CELF4: variants seen among roughly 807,000 people sequenced by gnomAD.
CELF4 encodes CUGBP Elav-like family member 4.
Under a neutral mutation model 59.9 loss-of-function variants are expected in CELF4, and 18 were observed. The ratio of observed to expected loss-of-function variants is 0.30; its 90% CI spans 0.21 to 0.45. The LOEUF (loss-of-function observed/expected upper bound fraction) is 0.45, where lower values mean the gene tolerates loss of function less well. Ranked by LOEUF, CELF4 falls within the 20% of genes least tolerant of loss-of-function variation. The pLI, the probability that CELF4 is intolerant of heterozygous loss-of-function variation, is 1.00. For missense variants in CELF4, 456 were observed against 689.0 expected, an observed-to-expected ratio of 0.66 and a Z score of 3.79; for synonymous variants, 261 against 267.1, an observed-to-expected ratio of 0.98 and a Z score of 0.22.
At chr18:37,271,023 G>A (rs528960705) in intron 7 of CELF4, 106 bp from the exon 8 acceptor site, 27 of 955,548 alleles carry the variant, frequency 2.8e-5, no homozygotes, top group African/African-American at 1.8e-4. Flanking sequence ...AAGGACCTGC[G>A]GATAGACTTG....
rs867841498 is a variant in CELF4, at chr18:37,253,900, C to T, written c.1372G>A (p.Ala458Thr). 6.2e-7 allele frequency: 1 copy of T among 1,607,336 alleles called. No individual in the cohort carries two copies. Among genetic ancestry groups the T allele is most frequent in the East Asian group, 2.3e-5 (1 of 44,372 alleles). Residue 458 changes from alanine (A) to threonine (T), a missense_variant, in exon 12 of 13, where the codon GCC becomes ACC. Ala to Thr is a moderately conservative substitution (Grantham distance 58). Around this residue, in one of 7 missense-constraint regions of CELF4, gnomAD observed 256 missense variants for 340.8 expected, o/e 0.75. Coordinates refer to ENST00000420428, the MANE Select transcript of CELF4 (RefSeq NM_020180.4). This position sits in a 1 kb window ranked among gnomAD's most constrained non-coding sequence, Gnocchi z 4.5. The part of the protein sequence containing the change: ...SFDNPASAQT[A>T]IQAMNGFQIG... Reference sequence around the variant, plus strand: ...TGGAAGCCGTTCATGGCCTGGATGGCGGTCTGCGCGCTGGCCGGGTTGTCG... The same window carrying T: ...TGGAAGCCGTTCATGGCCTGGATGGTGGTCTGCGCGCTGGCCGGGTTGTCG...
chr18:37,419,580 G>C (rs1377020811), intron 2 of CELF4, among the ~76,000 whole-genome samples: 3 of 152,172 alleles, frequency 2.0e-5, no homozygotes, highest in African/African-American at 7.2e-5. Flanking sequence ...GGTGTGGTCA[G>C]GGGGAAGGGA....
intron 2 of CELF4, among the ~76,000 whole-genome samples, chr18:37,326,483 C>T (rs987967253): frequency 6.6e-6 from 1 of 152,132 alleles, no homozygotes; most frequent in East Asian, 1.9e-4. Flanking sequence ...GTGCAGGAGC[C>T]TTCCTTGCTG....
At chr18:37,548,544 G>T (rs1017774959) in intron 1 of CELF4, among the ~76,000 whole-genome samples, 1 of 152,142 alleles carries the variant, frequency 6.6e-6, no homozygotes, top group South Asian at 2.1e-4. Context: ...CCTTTGTGCC[G>T]CCCCTTATGT....
chr18:37,404,520 C>A (rs2099361725), intron 2 of CELF4, among the ~76,000 whole-genome samples: 1 of 152,218 alleles, frequency 6.6e-6, no homozygotes, highest in Admixed American at 6.5e-5. Context: ...GGCAAGTGCA[C>A]AGTTGGATGC....
chr18:37,396,930 T>G (rs1475010521), intron 2 of CELF4, among the ~76,000 whole-genome samples: 1 of 152,134 alleles, frequency 6.6e-6, no homozygotes, highest in African/African-American at 2.4e-5. Context: ...TTTTCTTAAT[T>G]AAAGGAGCAA....
chr18:37,324,586 C>T (rs58621520), intron 2 of CELF4, among the ~76,000 whole-genome samples: 2,119 of 152,280 alleles, frequency 0.014, 53 homozygotes, highest in African/African-American at 0.049. Flanking sequence ...CTCTAGCCAA[C>T]GAATAAGCCC....
At chr18:37,388,615 T>A (rs1333465845) in intron 2 of CELF4, among the ~76,000 whole-genome samples, 1 of 152,080 alleles carries the variant, frequency 6.6e-6, no homozygotes, top group Non-Finnish European at 1.5e-5. Flanking sequence ...CAAACACCCT[T>A]CTAGGTCTGC....
intron 9 of CELF4, among the ~76,000 whole-genome samples, chr18:37,265,697 T>G (rs991471290): frequency 2.0e-5 from 3 of 152,048 alleles, no homozygotes; most frequent in African/African-American, 7.2e-5. Flanking sequence ...GAGCCTGAAG[T>G]CAGAGCTCAG....
chr18:37,432,545 T>C (rs116810550), intron 2 of CELF4, among the ~76,000 whole-genome samples: 2,911 of 152,132 alleles, frequency 0.019, 98 homozygotes, highest in African/African-American at 0.066. Flanking sequence ...GGCAGAGAGA[T>C]TGGGGAGAGC....
intron 2 of CELF4, among the ~76,000 whole-genome samples, chr18:37,398,885 A>G (rs1603636021): frequency 6.6e-6 from 1 of 152,120 alleles, no homozygotes; most frequent in Non-Finnish European, 1.5e-5. Context: ...CGAGTGGCTG[A>G]GAGGATTTAC....
chr18:37,499,086 T>C (rs1415700601), intron 1 of CELF4, among the ~76,000 whole-genome samples: 3 of 152,222 alleles, frequency 2.0e-5, no homozygotes, highest in African/African-American at 7.2e-5. Flanking sequence ...TCTTTGGTTA[T>C]AACCACACTC....
At chr18:37,397,266 A>G (rs502131) in intron 2 of CELF4, among the ~76,000 whole-genome samples, 133,870 of 152,254 alleles carry the variant, frequency 0.88, 59,155 homozygotes, top group African/African-American at 0.97. Flanking sequence ...ATTTAAAGAG[A>G]TGCTTTCATG....
Position 37,274,364 on chromosome 18 carries a change from T to G in CELF4, c.748A>C (p.Met250Leu). 6 of 1,613,560 alleles carry G rather than the reference T, an allele frequency of 3.7e-6. No homozygotes were observed. The highest frequency in any genetic ancestry group is 5.1e-6 in the Non-Finnish European group (6 of 1,179,952). Reference sequence around the variant, plus strand: ...AAAGGGATGGCCATGGGGTTGAACATGCCCATCTGGCCAGCCATCTGCTGC... The same window carrying G: ...AAAGGGATGGCCATGGGGTTGAACAGGCCCATCTGGCCAGCCATCTGCTGC... The part of the protein sequence containing the change: ...RMQQMAGQMG[M>L]FNPMAIPFGA... The change falls in exon 6 of 13, where the codon ATG becomes CTG. Residue 250 changes from methionine to leucine, a missense_variant. By Grantham distance (15) the Met-to-Leu change is conservative (BLOSUM62 2). Transcript: ENST00000420428.
chr18:37,537,107 C>A (rs1435023223), intron 1 of CELF4, among the ~76,000 whole-genome samples: 4 of 152,242 alleles, frequency 2.6e-5, no homozygotes, highest in African/African-American at 9.6e-5. Context: ...GCCCTCGCCT[C>A]TTTGTCCCTG....
chr18:37,505,322 A>G (rs1204703379), intron 1 of CELF4, among the ~76,000 whole-genome samples: 3 of 151,970 alleles, frequency 2.0e-5, no homozygotes, highest in Admixed American at 6.5e-5. Context: ...CAACTTTTCT[A>G]TTTTCTAGTT....
intron 3 of CELF4, among the ~76,000 whole-genome samples, chr18:37,293,372 C>T (rs895066221): frequency 2.0e-5 from 3 of 152,166 alleles, no homozygotes; most frequent in African/African-American, 4.8e-5. Flanking sequence ...GTTGTAGCTG[C>T]GTCACTCCAG....
At chr18:37,319,667 C>T (rs771730690) in intron 3 of CELF4, among the ~76,000 whole-genome samples, 1 of 152,246 alleles carries the variant, frequency 6.6e-6, no homozygotes, top group African/African-American at 2.4e-5. Context: ...ACTGGCTCTC[C>T]AAATTTGCAA....
At chr18:37,319,686 C>T (rs764363240) in intron 3 of CELF4, among the ~76,000 whole-genome samples, 1 of 152,256 alleles carries the variant, frequency 6.6e-6, no homozygotes, top group African/African-American at 2.4e-5. Context: ...AAGTAGCTTT[C>T]ACCTGCTCGA....
Sources: gnomAD v4.1 joint callset for allele counts (sites outside exome capture counted in the v4.1 genomes callset) on GRCh38, gnomAD v4.1.1 for gene constraint, gnomAD v4.1.1 regional missense constraint, Gnocchi (gnomAD v3.1) non-coding constraint, MANE v1.5 for transcripts, NCBI Gene and HGNC (gene_info 2026-07-23, HGNC 2026-07-21) for gene names.